The following LRP1B variants were observed in gnomAD, a reference collection of about 807,000 sequenced individuals.
LRP1B encodes low-density lipoprotein receptor-related protein 1B.
In LRP1B, 217 loss-of-function variants were observed where a neutral mutation model predicts 556.6. That is an observed-to-expected ratio of 0.39 (90% CI 0.35 to 0.44). LRP1B has a LOEUF of 0.44. Ranked by LOEUF, LRP1B falls within the 20% of genes least tolerant of loss-of-function variation. LRP1B has a pLI of 1.00. For synonymous variants in LRP1B, 2,047 were observed against 1,865.8 expected (o/e 1.10, Z -2.50); for missense variants, 5,053 against 5,620.8 (o/e 0.90, Z 3.23).
chr2:141,036,423 T>C (rs1192748101), intron 11 of LRP1B, among the ~76,000 whole-genome samples: 1 of 151,924 alleles, frequency 6.6e-6, no homozygotes, highest in Non-Finnish European at 1.5e-5. Context: ...CCCCATCCAA[T>C]CCTGACTCTT....
intron 6 of LRP1B, among the ~76,000 whole-genome samples, chr2:141,212,052 A>C (rs1194864115): frequency 6.6e-6 from 1 of 152,132 alleles, no homozygotes; most frequent in African/African-American, 2.4e-5. Flanking sequence ...TTAATAAAAC[A>C]TGTATTTGCT....
chr2:140,323,948 T>G lies in LRP1B; in HGVS notation c.12459A>C (p.Leu4153Phe), dbSNP rs1680311547. The G allele has an allele frequency of 1.3e-6, 2 of 1,592,802 alleles. No homozygotes were observed. Among genetic ancestry groups the G allele is most frequent in the African/African-American group, 2.7e-5 (2 of 74,420 alleles). The change falls in exon 81 of 91, where the codon TTA (leucine) becomes TTC (phenylalanine). Residue 4153 changes from leucine (L) to phenylalanine (F), a missense_variant. By Grantham distance (22) the Leu-to-Phe change is conservative. Around this residue, in one of 5 missense-constraint regions of LRP1B, gnomAD observed 551 missense variants for 592.0 expected, o/e 0.93. Transcript: ENST00000389484. ...AAACACCTTTTGTTTTATCAATATTTAAAGCTAAGTACTCTACTGAACCAT... is the reference window on the plus strand; with the variant it reads ...AAACACCTTTTGTTTTATCAATATTGAAAGCTAAGTACTCTACTGAACCAT... ...FGHGSVEYLALNIDKTKGVLI... is the reference protein window; with the variant it reads ...FGHGSVEYLAFNIDKTKGVLI...
At chr2:140,292,939 A>G (rs1174893755) in intron 84 of LRP1B, among the ~76,000 whole-genome samples, 1 of 152,156 alleles carries the variant, frequency 6.6e-6, no homozygotes, top group Non-Finnish European at 1.5e-5. Context: ...TGGTTCTAAT[A>G]CCGATTGCAA....
chr2:141,756,303 T>C (rs907406674), intron 2 of LRP1B, among the ~76,000 whole-genome samples: 2 of 152,084 alleles, frequency 1.3e-5, no homozygotes, highest in African/African-American at 4.8e-5. Flanking sequence ...CAGCCAGCTT[T>C]CCCCAATAGA....
chr2:141,617,353 A>T (rs1688343225), intron 2 of LRP1B, among the ~76,000 whole-genome samples: 1 of 152,218 alleles, frequency 6.6e-6, no homozygotes, highest in Non-Finnish European at 1.5e-5. Flanking sequence ...TATGGAAAAT[A>T]AACAGACTAA....
chr2:142,070,479 CT>C (rs1433970201), intron 1 of LRP1B, among the ~76,000 whole-genome samples: 3 of 151,874 alleles, frequency 2.0e-5, no homozygotes, highest in Non-Finnish European at 4.4e-5. Flanking sequence ...CTGCTTCACA[CT>C]TTTTCTTACA....
At chr2:141,690,669 G>A (rs1416077405) in intron 2 of LRP1B, among the ~76,000 whole-genome samples, 1 of 150,448 alleles carries the variant, frequency 6.6e-6, no homozygotes, top group East Asian at 2.0e-4. Context: ...TTATTTTTGA[G>A]CCTAAAACTG....
At chr2:141,092,514 G>A (rs1700194049) in intron 7 of LRP1B, among the ~76,000 whole-genome samples, 1 of 152,176 alleles carries the variant, frequency 6.6e-6, no homozygotes, top group Non-Finnish European at 1.5e-5. Flanking sequence ...AAAGTAGGAA[G>A]TAATCACCTA....
intron 77 of LRP1B, among the ~76,000 whole-genome samples, chr2:140,348,121 G>A (rs1190117484): frequency 6.6e-6 from 1 of 151,976 alleles, no homozygotes; most frequent in African/African-American, 2.4e-5. Context: ...CAAAGGGGCT[G>A]TAGAAATTGT....
intron 84 of LRP1B, among the ~76,000 whole-genome samples, chr2:140,288,410 G>A (rs1477899320): frequency 6.6e-6 from 1 of 151,642 alleles, no homozygotes; most frequent in East Asian, 1.9e-4. Context: ...TTCTGACTCA[G>A]CATTTTTTCA....
intron 41 of LRP1B, among the ~76,000 whole-genome samples, chr2:140,621,458 A>G (rs1231583530): frequency 1.4e-5 from 2 of 148,002 alleles, no homozygotes; most frequent in Non-Finnish European, 3.0e-5. Context: ...AAGCACAGAC[A>G]GAGATATAAG....
chr2:140,242,936 C>A (rs1681013145), intron 87 of LRP1B, among the ~76,000 whole-genome samples: 6 of 150,988 alleles, frequency 4.0e-5, no homozygotes, highest in Non-Finnish European at 7.4e-5. Flanking sequence ...TTGTTTGATT[C>A]AACTTAGGAA....
chr2:141,444,755 C>A (rs1167583584), intron 3 of LRP1B, among the ~76,000 whole-genome samples: 1 of 152,158 alleles, frequency 6.6e-6, no homozygotes. Context: ...GTTAAACCAA[C>A]CTTGCATCCC....
intron 1 of LRP1B, among the ~76,000 whole-genome samples, chr2:141,865,942 T>A (rs892505808): frequency 6.6e-6 from 1 of 152,210 alleles, no homozygotes; most frequent in Non-Finnish European, 1.5e-5. Flanking sequence ...TTAACCAAAA[T>A]CTTCTGGAGC....
chr2:141,081,468 T>C (rs1298056341), intron 7 of LRP1B, among the ~76,000 whole-genome samples: 1 of 152,218 alleles, frequency 6.6e-6, no homozygotes, highest in African/African-American at 2.4e-5. Context: ...TCTTACGCAC[T>C]TCGTGTTTCA....
intron 1 of LRP1B, among the ~76,000 whole-genome samples, chr2:142,108,373 CT>C (rs1333799488): frequency 6.6e-6 from 1 of 151,894 alleles, no homozygotes; most frequent in Non-Finnish European, 1.5e-5. Context: ...TAGGATCAGT[CT>C]TTTCGTGTTA....
At chr2:141,015,014 C>G (rs1278434400) in intron 13 of LRP1B, among the ~76,000 whole-genome samples, 1 of 152,046 alleles carries the variant, frequency 6.6e-6, no homozygotes, top group African/African-American at 2.4e-5. Context: ...TTGGTCATTT[C>G]TAACATCCCC....
At chr2:140,491,269 G>A (rs1688688228) in intron 57 of LRP1B, among the ~76,000 whole-genome samples, 1 of 152,048 alleles carries the variant, frequency 6.6e-6, no homozygotes, top group African/African-American at 2.4e-5. Context: ...TGGTTCAGCT[G>A]AGCTTAAAAA....
At chr2:141,476,896 G>A (rs1174228113) in intron 3 of LRP1B, among the ~76,000 whole-genome samples, 2 of 152,168 alleles carry the variant, frequency 1.3e-5, no homozygotes, top group Non-Finnish European at 2.9e-5. Flanking sequence ...TGCTGAGGCG[G>A]GTGGATCACC....
Sources: gnomAD v4.1 joint callset for allele counts (sites outside exome capture counted in the v4.1 genomes callset) on GRCh38, gnomAD v4.1.1 for gene constraint, gnomAD v4.1.1 regional missense constraint, MANE v1.5 for transcripts, NCBI Gene and HGNC (gene_info 2026-07-23, HGNC 2026-07-21) for gene names.